Variants in PTPRJ observed in about 807,000 individuals in gnomAD.
The protein encoded by PTPRJ is receptor-type tyrosine-protein phosphatase eta.
In PTPRJ, 129 loss-of-function variants were observed where a neutral mutation model predicts 141.3. The observed-to-expected ratio is 0.91, with a 90% CI of 0.79 to 1.06. The LOEUF (loss-of-function observed/expected upper bound fraction) is 1.06, where lower values mean the gene tolerates loss of function less well. PTPRJ is among the 50% of genes least tolerant of loss of function. PTPRJ has a pLI of 0.00. For missense variants in PTPRJ, 1,601 were observed against 1,679.7 expected (o/e 0.95, Z 0.82); for synonymous variants, 610 against 640.5 (o/e 0.95, Z 0.72).
At chr11:48,051,311 T>C (rs1854564464) in intron 1 of PTPRJ, among the ~76,000 whole-genome samples, 1 of 152,090 alleles carries the variant, frequency 6.6e-6, no homozygotes, top group South Asian at 2.1e-4. Context: ...CTCAGGCTGG[T>C]GTCGAACTCC....
At chr11:48,133,241 A>G (rs529159173) in intron 8 of PTPRJ, among the ~76,000 whole-genome samples, 2 of 152,366 alleles carry the variant, frequency 1.3e-5, no homozygotes, top group African/African-American at 4.8e-5. Context: ...TCTAAGACCA[A>G]GTGCTTAACC....
chr11:48,052,290 G>A (rs1854591710), intron 1 of PTPRJ, among the ~76,000 whole-genome samples: 1 of 152,238 alleles, frequency 6.6e-6, no homozygotes, highest in Non-Finnish European at 1.5e-5. Context: ...AGCATAGATG[G>A]ATGCTTTTCA....
rs912041684 is a variant in PTPRJ, at chr11:48,038,997, A to G, written c.96+57989A>G. Among the ~76,000 whole-genome samples the G allele has an allele frequency of 1.3e-4, 19 of 151,620 alleles. 1 individual carries two copies. Among genetic ancestry groups the G allele is most frequent in the African/African-American group, 4.6e-4 (19 of 41,318 alleles). On this transcript the variant is annotated intron_variant, in intron 1 of 24. Transcript: ENST00000418331. ...AACCCCCGTCTCTACTAAAAATACAAAAATTAGCTGGGTGTGGTGGCGGGT... is the reference window on the plus strand; with the variant it reads ...AACCCCCGTCTCTACTAAAAATACAGAAATTAGCTGGGTGTGGTGGCGGGT...
At chr11:48,150,283 C>T in intron 18 of PTPRJ, 100 bp downstream of exon 18, 1 of 933,720 alleles carries the variant, frequency 1.1e-6, no homozygotes, top group Non-Finnish European at 1.7e-6. Flanking sequence ...TGAAAGAACA[C>T]TCGAGGGACT....
At chr11:48,128,196 C>T (rs1181993374) in intron 7 of PTPRJ, among the ~76,000 whole-genome samples, 153 bp downstream of exon 7, 1 of 152,182 alleles carries the variant, frequency 6.6e-6, no homozygotes, top group Admixed American at 6.5e-5. Context: ...ACATTGTATG[C>T]TCACAACAGC....
chr11:48,123,306 T>C (rs149667389), intron 4 of PTPRJ, among the ~76,000 whole-genome samples: 128 of 152,276 alleles, frequency 8.4e-4, no homozygotes, highest in Non-Finnish European at 1.4e-3. Flanking sequence ...TTTAGAAGAG[T>C]GTCCAGTCAC....
At chr11:48,127,103 G>T (rs1329415889) in intron 6 of PTPRJ, among the ~76,000 whole-genome samples, 1 of 152,132 alleles carries the variant, frequency 6.6e-6, no homozygotes, top group Non-Finnish European at 1.5e-5. Flanking sequence ...TCAGGGGCCT[G>T]CCCATTGGCT....
intron 1 of PTPRJ, among the ~76,000 whole-genome samples, chr11:48,065,204 C>T (rs555657481): frequency 6.7e-6 from 1 of 150,332 alleles, no homozygotes; most frequent in South Asian, 2.1e-4. Context: ...AGTGGAAAAG[C>T]GGTTTCTCCA....
intron 1 of PTPRJ, among the ~76,000 whole-genome samples, chr11:47,997,635 C>T (rs185211271): frequency 7.2e-5 from 11 of 152,212 alleles, no homozygotes; most frequent in Admixed American, 3.9e-4. Context: ...AAAGGAACCC[C>T]GTGCTAATGT....
intron 3 of PTPRJ, among the ~76,000 whole-genome samples, chr11:48,114,294 CGGGT>C (rs1409660009): frequency 1.3e-5 from 2 of 151,568 alleles, no homozygotes; most frequent in African/African-American, 4.8e-5. Context: ...AAAAATTAGC[CGGGT>C]GTGGTCATGC....
At chr11:48,077,690 G>A (rs72901575) in intron 1 of PTPRJ, among the ~76,000 whole-genome samples, 2,743 of 152,270 alleles carry the variant, frequency 0.018, 40 homozygotes, top group Non-Finnish European at 0.024. Context: ...AGCAGCCTGA[G>A]ATGGGTCTTT....
intron 1 of PTPRJ, among the ~76,000 whole-genome samples, chr11:48,068,589 G>A (rs1855146520): frequency 6.6e-6 from 1 of 152,160 alleles, no homozygotes; most frequent in Admixed American, 6.5e-5. Flanking sequence ...CCAGTCTCAG[G>A]TATGTCTTCA....
chr11:48,111,563 G>A (rs982760967), intron 2 of PTPRJ, among the ~76,000 whole-genome samples: 5 of 152,156 alleles, frequency 3.3e-5, no homozygotes, highest in Non-Finnish European at 7.3e-5. Flanking sequence ...GAGTACTGCC[G>A]TTGGTTTTTC....
chr11:48,083,890 A>G (rs1855628633), intron 1 of PTPRJ, among the ~76,000 whole-genome samples: 1 of 152,242 alleles, frequency 6.6e-6, no homozygotes, highest in East Asian at 1.9e-4. Context: ...CTGTGAGGTC[A>G]AAGTATTTTT....
At position 48,168,577 on chromosome 11, in the gene PTPRJ, T is replaced by TATATATATATATATAC. The variant is rs1555061333; in HGVS notation, c.*1220_*1221insTATATATATACATATA. The TATATATATATATATAC allele has an allele frequency of 4.2e-5, 5 of 120,294 alleles. No individual in the cohort carries two copies. The highest frequency in any genetic ancestry group is 1.6e-4 in the African/African-American group (5 of 31,818). The allele number at this position is 120,294 out of a possible 1,614,324, so 7.5% of individuals were successfully genotyped here. A position where few individuals can be genotyped will look rare whatever the true frequency, so the allele number is the denominator to read the frequency against. ...ATATATATATATATATATATATATA[T>TATATATATATATATAC]ATATACACTAAGCTCTCAAAAACAG... On this transcript the variant is annotated 3_prime_UTR_variant, in exon 25 of 25. Coordinates refer to ENST00000418331, the MANE Select transcript of PTPRJ (RefSeq NM_002843.4).
chr11:48,155,536 T>A (rs1228063175), intron 19 of PTPRJ, among the ~76,000 whole-genome samples: 1 of 152,178 alleles, frequency 6.6e-6, no homozygotes, highest in Non-Finnish European at 1.5e-5. Flanking sequence ...AGATCTTGGG[T>A]CCTGGTGTCA....
chr11:48,000,136 G>T (rs940975982), intron 1 of PTPRJ, among the ~76,000 whole-genome samples: 2 of 146,644 alleles, frequency 1.4e-5, no homozygotes, highest in Non-Finnish European at 3.0e-5. Context: ...TGGTATGCCT[G>T]GCCCTTTTTT....
intron 1 of PTPRJ, among the ~76,000 whole-genome samples, chr11:48,068,510 C>T (rs117098412): frequency 0.013 from 1,930 of 152,282 alleles, 24 homozygotes; most frequent in East Asian, 0.084. Context: ...CCCCTTCCAC[C>T]GTGATTGTGA....
At chr11:48,047,685 G>T (rs888209264) in intron 1 of PTPRJ, among the ~76,000 whole-genome samples, 1 of 151,794 alleles carries the variant, frequency 6.6e-6, no homozygotes, top group Non-Finnish European at 1.5e-5. Context: ...GCACTTTTTT[G>T]GTAGAGACAG....
Sources: allele counts gnomAD v4.1 joint callset (sites outside exome capture counted in the v4.1 genomes callset), GRCh38; gene constraint gnomAD v4.1.1; transcripts MANE v1.5; gene names NCBI Gene and HGNC (gene_info 2026-07-23, HGNC 2026-07-21).